RBM20: variants seen among roughly 807,000 people sequenced by gnomAD.
RBM20 encodes RNA-binding protein 20.
In RBM20, 51 loss-of-function variants were observed where a neutral mutation model predicts 110.1. The observed-to-expected ratio is 0.46, with a 90% CI of 0.37 to 0.59. RBM20 has a LOEUF of 0.59. RBM20 is among the 20% of genes least tolerant of loss of function. RBM20 has a pLI of 0.00. For missense variants in RBM20, 1,512 were observed against 1,574.9 expected (o/e 0.96, Z 0.68); for synonymous variants, 589 against 618.2 (o/e 0.95, Z 0.70).
At chr10:110,682,188 G>A (rs1862433337) in intron 1 of RBM20, among the ~76,000 whole-genome samples, 2 of 152,108 alleles carry the variant, frequency 1.3e-5, no homozygotes, top group South Asian at 4.1e-4. Flanking sequence ...CATCACATCT[G>A]GCCTTCACTA....
In RBM20 at chr10:110,784,872, G is replaced by T; in HGVS notation, c.1510G>T (p.Ala504Ser). The T allele has an allele frequency of 1.9e-6, 3 of 1,543,764 alleles. No homozygotes were observed. Among genetic ancestry groups the T allele is most frequent in the Non-Finnish European group, 2.6e-6 (3 of 1,140,180 alleles). ...TCAGTCAAGCCCCACATTTCCTTTGGCTTCTGTGGGGACAACTGTGAGTAC... is the reference window on the plus strand; with the variant it reads ...TCAGTCAAGCCCCACATTTCCTTTGTCTTCTGTGGGGACAACTGTGAGTAC... ...FTQSSPTFPL[A>S]SVGTTFAQRK... The change falls in exon 5 of 14, where the codon GCT becomes TCT. Residue 504 changes from alanine (A) to serine (S), a missense_variant. Ala to Ser is a moderately conservative substitution (Grantham distance 99). Around this residue, in one of 3 missense-constraint regions of RBM20, gnomAD observed 1,149 missense variants for 1,169.4 expected, o/e 0.98. Transcript: ENST00000369519.
chr10:110,784,621 T>C (rs1414943908), intron 4 of RBM20, among the ~76,000 whole-genome samples, 171 bp from the exon 5 acceptor site: 1 of 152,232 alleles, frequency 6.6e-6, no homozygotes, highest in Non-Finnish European at 1.5e-5. Context: ...TCTGAGATAC[T>C]TGAGACGTAA....
At chr10:110,794,022 G>A (rs991332544) in intron 5 of RBM20, among the ~76,000 whole-genome samples, 1 of 152,172 alleles carries the variant, frequency 6.6e-6, no homozygotes, top group Non-Finnish European at 1.5e-5. Flanking sequence ...CAGGATTGCC[G>A]GTGCCCCTGA....
intron 13 of RBM20, among the ~76,000 whole-genome samples, chr10:110,834,828 G>A (rs948539495): frequency 1.3e-5 from 2 of 152,100 alleles, no homozygotes; most frequent in Non-Finnish European, 2.9e-5. Flanking sequence ...ACCCCAGCTG[G>A]GGCCTCAAAC....
intron 5 of RBM20, among the ~76,000 whole-genome samples, chr10:110,793,285 A>G (rs1241885881): frequency 6.6e-6 from 1 of 152,128 alleles, no homozygotes; most frequent in Admixed American, 6.5e-5. Context: ...GTCGCCTTTC[A>G]TTATTTACTT....
intron 1 of RBM20, among the ~76,000 whole-genome samples, chr10:110,718,111 A>G (rs892521671): frequency 1.3e-5 from 2 of 152,216 alleles, no homozygotes; most frequent in East Asian, 1.9e-4. Flanking sequence ...CCACCCTTGC[A>G]TGCAGTGGGC....
At chr10:110,783,016 G>A (rs889926873) in intron 2 of RBM20, among the ~76,000 whole-genome samples, 1 of 151,894 alleles carries the variant, frequency 6.6e-6, no homozygotes, top group African/African-American at 2.4e-5. Context: ...TATGAAATAG[G>A]TGGGGTCTTC....
intron 1 of RBM20, among the ~76,000 whole-genome samples, chr10:110,680,612 G>A (rs937948798): frequency 4.6e-5 from 7 of 152,200 alleles, no homozygotes; most frequent in African/African-American, 1.2e-4. Context: ...TGACACATAC[G>A]GCTAACTAGC....
chr10:110,735,659 T>TG (rs1843663223), intron 1 of RBM20, among the ~76,000 whole-genome samples: 1 of 152,186 alleles, frequency 6.6e-6, no homozygotes, highest in Non-Finnish European at 1.5e-5. Flanking sequence ...GATTGCTGGG[T>TG]GAAAGGTATA....
chr10:110,758,014 C>CTTTTTGTTTTTTTTTT (rs1843943372), intron 1 of RBM20, among the ~76,000 whole-genome samples: 1 of 79,910 alleles, frequency 1.3e-5, no homozygotes, highest in Non-Finnish European at 2.2e-5. Flanking sequence ...GATCCTTGTT[C>CTTTTTGTTTTTTTTTT]TTTTTTTTTT....
intron 5 of RBM20, among the ~76,000 whole-genome samples, chr10:110,786,823 T>G (rs1844424821): frequency 6.6e-6 from 1 of 152,132 alleles, no homozygotes; most frequent in Non-Finnish European, 1.5e-5. Flanking sequence ...TGGGGGAGGC[T>G]GGATTGAGTG....
intron 1 of RBM20, among the ~76,000 whole-genome samples, chr10:110,719,103 C>G (rs1241473162): frequency 6.6e-6 from 1 of 152,220 alleles, no homozygotes; most frequent in East Asian, 1.9e-4. Context: ...AATAGAATGG[C>G]TGAGTTGCAG....
chr10:110,705,824 T>C (rs1054275160), intron 1 of RBM20, among the ~76,000 whole-genome samples: 1 of 152,236 alleles, frequency 6.6e-6, no homozygotes, highest in Admixed American at 6.5e-5. Flanking sequence ...CTCATGCTTC[T>C]AATCCCAGCA....
chr10:110,703,568 TATCTTATAA>T (rs1253000503), intron 1 of RBM20, among the ~76,000 whole-genome samples: 1 of 152,200 alleles, frequency 6.6e-6, no homozygotes, highest in Admixed American at 6.5e-5. Flanking sequence ...CTCTCTTATT[TATCTTATAA>T]AAGATTTCCC....
chr10:110,732,295 C>T (rs535059061), intron 1 of RBM20, among the ~76,000 whole-genome samples: 11 of 152,240 alleles, frequency 7.2e-5, no homozygotes, highest in South Asian at 2.1e-4. Context: ...TTCTCTGACG[C>T]GCTGTCAGTC....
intron 1 of RBM20, among the ~76,000 whole-genome samples, chr10:110,743,648 G>A (rs954598329): frequency 6.6e-6 from 1 of 152,126 alleles, no homozygotes; most frequent in South Asian, 2.1e-4. Context: ...GTGGCATCTT[G>A]CTCTGTTGCC....
intron 9 of RBM20, among the ~76,000 whole-genome samples, chr10:110,817,806 G>A (rs1402556885): frequency 6.6e-6 from 1 of 152,228 alleles, no homozygotes; most frequent in Non-Finnish European, 1.5e-5. Context: ...GCATGCACAA[G>A]GGCCTCCAGC....
In RBM20 at chr10:110,648,703, C is replaced by A. The variant is rs138189967; in HGVS notation, c.191+4058C>A. Among the ~76,000 whole-genome samples, 24 of 63,918 alleles carry A rather than the reference C, an allele frequency of 3.8e-4. 1 individual carries two copies. Among genetic ancestry groups the A allele is most frequent in the Admixed American group, 3.7e-3 (24 of 6,488 alleles). The allele number at this position is 63,918 out of a possible 152,430, so 41.9% of individuals were successfully genotyped here. ...TGAGAGGATTAAGCCTTTACCCCAA[C>A]AGGGAAGAAAAGGGGGGGGTGCTAT... On this transcript the variant is annotated intron_variant, in intron 1 of 13. Transcript: ENST00000369519.
chr10:110,762,995 A>G (rs1844026779), intron 1 of RBM20, among the ~76,000 whole-genome samples: 1 of 152,194 alleles, frequency 6.6e-6, no homozygotes, highest in South Asian at 2.1e-4. Context: ...TGGTTCCCTC[A>G]GGTCAGGAGC....
Sources: allele counts gnomAD v4.1 joint callset (sites outside exome capture counted in the v4.1 genomes callset), GRCh38; gene constraint gnomAD v4.1.1; regional missense constraint gnomAD v4.1.1; transcripts MANE v1.5; gene names NCBI Gene and HGNC (gene_info 2026-07-23, HGNC 2026-07-21).